Variants in DPP10 observed in about 807,000 individuals in gnomAD.
DPP10 encodes the protein inactive dipeptidyl peptidase 10.
In DPP10, 33 loss-of-function variants were observed where a neutral mutation model predicts 120.9. The ratio of observed to expected loss-of-function variants is 0.27; its 90% CI spans 0.21 to 0.37. The LOEUF (loss-of-function observed/expected upper bound fraction) is 0.37. DPP10 is among the 10% of genes least tolerant of loss of function. The probability of loss-of-function intolerance (pLI) is 1.00; values close to 1 mark genes in which losing one functional copy is unlikely to be tolerated. For synonymous variants in DPP10, 337 were observed against 326.1 expected (o/e 1.03, Z -0.36); for missense variants, 816 against 942.8 (o/e 0.87, Z 1.76).
chr2:115,193,729 T>A (rs1176614768), intron 1 of DPP10, among the ~76,000 whole-genome samples: 3 of 152,196 alleles, frequency 2.0e-5, no homozygotes, highest in African/African-American at 7.2e-5. Flanking sequence ...ACAGCTCACA[T>A]GTTTGAGCAG....
At position 115,118,033 on chromosome 2, in the gene DPP10, T is replaced by A. The variant is rs967200632; in HGVS notation, c.61-191206T>A. Among the ~76,000 whole-genome samples, 6 of 152,202 alleles carry A rather than the reference T, an allele frequency of 3.9e-5. No individual in the cohort carries two copies. In the South Asian group the frequency reaches 6.2e-4, roughly 16 times the overall value. On this transcript the variant is annotated intron_variant, in intron 1 of 25. Coordinates refer to ENST00000410059, the MANE Select transcript of DPP10 (RefSeq NM_020868.6). The stretch of plus-strand genomic sequence containing the variant: ...ATTTGCCTGGCAATAACTTTTGATT[T>A]AAGAAAAATCTTTTTCACCAAAACC...
intron 1 of DPP10, among the ~76,000 whole-genome samples, chr2:114,486,942 A>C (rs1196713737): frequency 6.6e-6 from 1 of 152,184 alleles, no homozygotes; most frequent in African/African-American, 2.4e-5. Context: ...TTGGTCATTA[A>C]ATATTAACAT....
intron 7 of DPP10, among the ~76,000 whole-genome samples, chr2:115,713,988 G>C (rs1001738333): frequency 1.3e-5 from 2 of 152,120 alleles, no homozygotes; most frequent in African/African-American, 2.4e-5. Flanking sequence ...TTATGATGCC[G>C]AGTCATCACT....
chr2:115,569,815 G>T (rs1045203676), intron 5 of DPP10, among the ~76,000 whole-genome samples: 3 of 152,136 alleles, frequency 2.0e-5, no homozygotes, highest in Non-Finnish European at 4.4e-5. Context: ...TTGTCACATG[G>T]TCATTATCCT....
intron 1 of DPP10, among the ~76,000 whole-genome samples, chr2:114,822,195 G>A (rs558143472): frequency 1.3e-5 from 2 of 152,238 alleles, no homozygotes; most frequent in African/African-American, 4.8e-5. Context: ...CTGAAATCTA[G>A]GCGGAGGTTC....
intron 1 of DPP10, among the ~76,000 whole-genome samples, chr2:114,527,756 G>A (rs868571774): frequency 3.9e-5 from 6 of 152,210 alleles, no homozygotes; most frequent in East Asian, 3.9e-4. Context: ...AGATGGTATA[G>A]CCCACTACAC....
At chr2:114,506,110 T>A (rs1683635789) in intron 1 of DPP10, among the ~76,000 whole-genome samples, 1 of 152,188 alleles carries the variant, frequency 6.6e-6, no homozygotes, top group Admixed American at 6.5e-5. Flanking sequence ...CAGCCCAAAG[T>A]GAGAACATAC....
chr2:114,788,684 A>G (rs1233135174), intron 1 of DPP10, among the ~76,000 whole-genome samples: 1 of 152,224 alleles, frequency 6.6e-6, no homozygotes, highest in East Asian at 1.9e-4. Flanking sequence ...AAACTTGTTT[A>G]TACAATAGTA....
At chr2:114,799,872 T>A (rs899131240) in intron 1 of DPP10, among the ~76,000 whole-genome samples, 11 of 152,300 alleles carry the variant, frequency 7.2e-5, no homozygotes, top group African/African-American at 2.6e-4. Context: ...GAAATTTAAA[T>A]TGGCAGCTGG....
chr2:114,613,664 C>T (rs972157907), intron 1 of DPP10, among the ~76,000 whole-genome samples: 5 of 152,126 alleles, frequency 3.3e-5, no homozygotes, highest in Non-Finnish European at 7.3e-5. Context: ...AAGACACATG[C>T]ACACGTATGT....
chr2:115,156,955 T>C (rs1324655799), intron 1 of DPP10, among the ~76,000 whole-genome samples: 2 of 152,176 alleles, frequency 1.3e-5, no homozygotes, highest in African/African-American at 4.8e-5. Context: ...GTTTTCTTTT[T>C]TCTTTTTTAC....
At chr2:115,634,366 TGACCTTTG>T (rs960095702) in intron 5 of DPP10, among the ~76,000 whole-genome samples, 18 of 152,354 alleles carry the variant, frequency 1.2e-4, no homozygotes, top group African/African-American at 4.1e-4. Context: ...CAGAAGCTGC[TGACCTTTG>T]GATGGGTTTT....
chr2:115,472,616 A>G (rs2074804634), intron 3 of DPP10, among the ~76,000 whole-genome samples: 1 of 152,166 alleles, frequency 6.6e-6, no homozygotes, highest in Non-Finnish European at 1.5e-5. Context: ...CTTTACTCTT[A>G]ATTACAGCAC....
chr2:115,583,788 C>T (rs184266647), intron 5 of DPP10, among the ~76,000 whole-genome samples: 3 of 152,250 alleles, frequency 2.0e-5, no homozygotes, highest in Admixed American at 1.3e-4. Context: ...CTTTAATATT[C>T]ACATTTCATG....
rs575779907 is a variant in DPP10, at chr2:115,382,731, A to C, written c.271+38819A>C. On this transcript the variant is annotated intron_variant, in intron 3 of 25. Transcript: ENST00000410059. ...GGATGTATAAAAAAAGAGCTGGAAT[A>C]GTTTTTCCCTTATTGCCACTTTCCA... Among the ~76,000 whole-genome samples, 671 of 152,344 alleles carry C rather than the reference A, an allele frequency of 4.4e-3. 1 individual carries two copies. The highest frequency in any genetic ancestry group is 8.1e-3 in the Non-Finnish European group (554 of 68,032).
At chr2:115,525,194 T>C (rs2148894745) in intron 4 of DPP10, among the ~76,000 whole-genome samples, 1 of 152,290 alleles carries the variant, frequency 6.6e-6, no homozygotes, top group South Asian at 2.1e-4. Context: ...CAACTCAATG[T>C]GCTTGCCCTC....
In DPP10 at chr2:115,028,636, C is replaced by G. The variant is rs561790891; in HGVS notation, c.61-280603C>G. Among the ~76,000 whole-genome samples, 4 of 152,084 alleles carry G rather than the reference C, an allele frequency of 2.6e-5. No homozygotes were observed. The East Asian group carries it at 7.7e-4, about 29-fold the overall frequency. On this transcript the variant is annotated intron_variant, in intron 1 of 25. Transcript: ENST00000410059. ...GATTATTTGTTGACTTTTTTGTCCA[C>G]TACTGAAAGTAGGGTGTTGATGTCC... is the stretch of plus-strand genomic sequence containing the variant.
chr2:115,095,573 G>GT (rs747930952), intron 1 of DPP10, among the ~76,000 whole-genome samples: 20 of 133,962 alleles, frequency 1.5e-4, no homozygotes, highest in East Asian at 8.9e-4. Context: ...AATTCTGTTT[G>GT]GTTTTTTTTT....
intron 1 of DPP10, among the ~76,000 whole-genome samples, chr2:114,778,073 G>A (rs745888821): frequency 9.9e-5 from 15 of 152,000 alleles, no homozygotes; most frequent in Non-Finnish European, 1.8e-4. Context: ...ACATGTCCAA[G>A]AAAGAGTGAG....
Sources: gnomAD v4.1 joint callset for allele counts (sites outside exome capture counted in the v4.1 genomes callset) on GRCh38, gnomAD v4.1.1 for gene constraint, MANE v1.5 for transcripts, NCBI Gene and HGNC (gene_info 2026-07-23, HGNC 2026-07-21) for gene names.